RBFOX1: variants seen among roughly 807,000 people sequenced by gnomAD.
RBFOX1 encodes RNA binding fox-1 homolog 1.
RBFOX1 carries 8 observed loss-of-function variants against 57.7 expected under a neutral mutation model. That is an observed-to-expected ratio of 0.14 (90% confidence interval 0.08 to 0.25). The LOEUF is 0.25. RBFOX1 is among the 10% of genes least tolerant of loss of function. RBFOX1 has a pLI of 1.00. For synonymous variants in RBFOX1, 326 were observed against 222.4 expected (o/e 1.47, Z -4.15); for missense variants, 611 against 548.5 (o/e 1.11, Z -1.14).
upstream of RBFOX1, among the ~76,000 whole-genome samples, chr16:6,014,673 A>G (rs1176068618): frequency 6.6e-6 from 1 of 152,184 alleles, no homozygotes; most frequent in African/African-American, 2.4e-5. Context: ...GAAAGCCTTC[A>G]GGTAAGTCTG....
intron 1 of RBFOX1, among the ~76,000 whole-genome samples, chr16:6,192,498 A>C (rs1407995452): frequency 2.0e-5 from 3 of 151,748 alleles, no homozygotes; most frequent in South Asian, 2.1e-4. Flanking sequence ...CAACACCCCC[A>C]TACACATGCA....
chr16:7,299,806 G>C (rs142476001), intron 4 of RBFOX1, among the ~76,000 whole-genome samples: 28 of 152,326 alleles, frequency 1.8e-4, no homozygotes, highest in African/African-American at 6.7e-4. Context: ...GAGAACTACA[G>C]AATTCATGTA....
At chr16:7,677,759 T>A (rs1353597800) in intron 14 of RBFOX1, among the ~76,000 whole-genome samples, 4 of 152,202 alleles carry the variant, frequency 2.6e-5, no homozygotes, top group African/African-American at 9.7e-5. Context: ...TTTAAAAATA[T>A]GTTTCACGAA....
At chr16:5,351,440 C>T (rs1010834381) in intron 1 of RBFOX1, among the ~76,000 whole-genome samples, 6 of 152,146 alleles carry the variant, frequency 3.9e-5, no homozygotes, top group Non-Finnish European at 7.3e-5. Flanking sequence ...AGGATTTGAA[C>T]TTCAGGCTGG....
intron 1 of RBFOX1, among the ~76,000 whole-genome samples, chr16:5,282,168 C>G (rs1382061568): frequency 6.6e-6 from 1 of 152,188 alleles, no homozygotes; most frequent in Non-Finnish European, 1.5e-5. Flanking sequence ...TGCTCAAGCT[C>G]TCTCTTTGCC....
In RBFOX1 at chr16:6,957,903, T is replaced by G. The variant is rs116322622; in HGVS notation, c.-15-94154T>G. 6.9e-3 allele frequency among the ~76,000 whole-genome samples: 1,048 copies of G among 152,222 alleles called. 18 individuals carry two copies. The highest frequency in any genetic ancestry group is 0.024 in the African/African-American group (997 of 41,548). On this transcript the variant is annotated intron_variant, in intron 3 of 15. Transcript: ENST00000550418. ...AGAGCCCTTAAATGGCCCCTCCCTTTTCCATGCAGGACATCTGTGACCTAG... is the reference window on the plus strand; with the variant it reads ...AGAGCCCTTAAATGGCCCCTCCCTTGTCCATGCAGGACATCTGTGACCTAG...
At chr16:7,700,371 A>AACTC (rs1300618791) in intron 14 of RBFOX1, among the ~76,000 whole-genome samples, 2 of 152,162 alleles carry the variant, frequency 1.3e-5, no homozygotes, top group African/African-American at 4.8e-5. Flanking sequence ...TGGTATAACC[A>AACTC]ACTCAAAGAG....
chr16:6,178,889 C>G (rs760070137), intron 1 of RBFOX1, among the ~76,000 whole-genome samples: 19 of 152,152 alleles, frequency 1.2e-4, no homozygotes, highest in Admixed American at 2.6e-4. Context: ...GCCACCAGCT[C>G]CCATAGCTGA....
At chr16:6,825,753 G>A (rs1456446960) in intron 3 of RBFOX1, among the ~76,000 whole-genome samples, 3 of 152,156 alleles carry the variant, frequency 2.0e-5, no homozygotes, top group Non-Finnish European at 4.4e-5. Flanking sequence ...AGGGACACGT[G>A]TAACGGGGTC....
chr16:7,531,452 T>C (rs750708785), intron 5 of RBFOX1, among the ~76,000 whole-genome samples: 4 of 152,192 alleles, frequency 2.6e-5, no homozygotes, highest in East Asian at 1.9e-4. Context: ...TAACCCCTTA[T>C]GGCCTAGATG....
intron 2 of RBFOX1, among the ~76,000 whole-genome samples, chr16:6,621,036 C>G (rs931145910): frequency 2.6e-5 from 4 of 152,210 alleles, no homozygotes; most frequent in African/African-American, 9.6e-5. Flanking sequence ...CCTTGCATCT[C>G]TTTTAGCTCC....
chr16:5,650,630 T>TA (rs1180132752), intron 3 of RBFOX1, among the ~76,000 whole-genome samples: 5 of 152,298 alleles, frequency 3.3e-5, no homozygotes, highest in African/African-American at 1.2e-4. Context: ...GCTGCTTAGA[T>TA]AAACACCAGA....
intron 4 of RBFOX1, among the ~76,000 whole-genome samples, chr16:7,276,168 A>G (rs2095436256): frequency 6.6e-6 from 1 of 152,234 alleles, no homozygotes; most frequent in Non-Finnish European, 1.5e-5. Context: ...ACCCCTTGGA[A>G]GGACCATGCC....
At chr16:5,307,121 G>A (rs954612673) in intron 1 of RBFOX1, among the ~76,000 whole-genome samples, 3 of 152,160 alleles carry the variant, frequency 2.0e-5, no homozygotes, top group African/African-American at 7.2e-5. Context: ...GGCTGTTCCT[G>A]GGGCTTAGCA....
chr16:5,502,460 C>G (rs554743434), intron 2 of RBFOX1, among the ~76,000 whole-genome samples: 1 of 152,134 alleles, frequency 6.6e-6, no homozygotes, highest in African/African-American at 2.4e-5. Context: ...ACCTCAGGCT[C>G]CGGCCCCTAG....
intron 2 of RBFOX1, among the ~76,000 whole-genome samples, chr16:6,348,127 T>C (rs1473024799): frequency 1.3e-5 from 2 of 151,932 alleles, no homozygotes; most frequent in Non-Finnish European, 2.9e-5. Flanking sequence ...TGGGTTTGTG[T>C]GGTTTGAGGT....
intron 4 of RBFOX1, among the ~76,000 whole-genome samples, chr16:7,355,249 C>T (rs966922707): frequency 3.3e-5 from 5 of 152,154 alleles, no homozygotes; most frequent in African/African-American, 7.2e-5. Flanking sequence ...TCCACAAATC[C>T]CATCCCAGGC....
At chr16:6,649,609 T>G (rs150440564) in intron 2 of RBFOX1, among the ~76,000 whole-genome samples, 236 of 152,338 alleles carry the variant, frequency 1.5e-3, no homozygotes, top group Admixed American at 2.6e-3. Flanking sequence ...AATGAGAACA[T>G]GCAATGTTTC....
rs186722309 is a variant in RBFOX1, at chr16:6,647,169, C to G, written c.-63-7434C>G. Among the ~76,000 whole-genome samples the G allele has an allele frequency of 4.6e-5, 7 of 152,302 alleles. No homozygotes were observed. In the East Asian group the frequency reaches 1.2e-3, roughly 25 times the overall value. On this transcript the variant is annotated intron_variant, in intron 2 of 15. Coordinates refer to ENST00000550418, the MANE Select transcript of RBFOX1 (RefSeq NM_018723.4). ...TCATTTGGACATTCCTGGGCTTACGCTACCAGAGAGAGAGAGAGAGAGAAA... is the reference window on the plus strand; with the variant it reads ...TCATTTGGACATTCCTGGGCTTACGGTACCAGAGAGAGAGAGAGAGAGAAA...
Sources: gnomAD v4.1 joint callset for allele counts (sites outside exome capture counted in the v4.1 genomes callset) on GRCh38, gnomAD v4.1.1 for gene constraint, MANE v1.5 for transcripts, NCBI Gene and HGNC (gene_info 2026-07-23, HGNC 2026-07-21) for gene names.